PROM1: variants seen among roughly 807,000 people sequenced by gnomAD.
PROM1 encodes the protein prominin 1, also known as prominin-1.
PROM1 carries 105 observed loss-of-function variants against 116.9 expected under a neutral mutation model. The ratio of observed to expected loss-of-function variants is 0.90; its 90% confidence interval spans 0.77 to 1.06. PROM1 has a LOEUF of 1.06. PROM1 is among the 50% of genes least tolerant of loss of function. The pLI is 0.00. For missense variants in PROM1, 1,122 were observed against 1,045.2 expected (o/e 1.07, Z -1.01); for synonymous variants, 393 against 387.0 (o/e 1.02, Z -0.18).
intron 27 of PROM1, 25 bp downstream of exon 27, chr4:15,971,018 T>A: frequency 6.4e-7 from 1 of 1,552,802 alleles, no homozygotes; most frequent in South Asian, 1.2e-5. Context: ...CTGTAGATTC[T>A]CTTCAATGAA....
At chr4:16,051,729 C>T (rs1737933630) in intron 2 of PROM1, among the ~76,000 whole-genome samples, 1 of 152,144 alleles carries the variant, frequency 6.6e-6, no homozygotes, top group Non-Finnish European at 1.5e-5. Flanking sequence ...TCTTTGGACA[C>T]GGAATGGTTT....
At position 15,974,118 on chromosome 4, in the gene PROM1, TTC is replaced by T. The variant is rs35011290; in HGVS notation, c.2583-3038_2583-3037del. On this transcript the variant is annotated intron_variant, in intron 26 of 27. Transcript: ENST00000447510. ...ACACAGACACACACACTCTCTCTCT[TTC>T]TCTCTCTCTCTCTCTCTCTCTCTAA... 6.1e-3 allele frequency among the ~76,000 whole-genome samples: 919 copies of T among 149,432 alleles called. 8 individuals carry two copies. The highest frequency in any genetic ancestry group is 7.6e-3 in the Non-Finnish European group (513 of 67,450).
In PROM1 at chr4:15,979,444, CATT is replaced by C; in HGVS notation, c.2530_2532del (p.Asn844del). On this transcript the variant is annotated inframe_deletion, in exon 26 of 28. Coordinates refer to ENST00000447510, the MANE Select transcript of PROM1 (RefSeq NM_006017.3). ...CCATATACATGATCTTTATGATAAC[CATT>C]ATTACCATTTTCCATACTGTAACAG... 2 of 1,610,558 alleles carry C rather than the reference CATT, an allele frequency of 1.2e-6. No individual in the cohort carries two copies. The highest frequency in any genetic ancestry group is 1.1e-5 in the South Asian group (1 of 90,370).
chr4:15,973,853 C>T lies in PROM1; in HGVS notation c.2583-2771G>A, dbSNP rs543856584. 2.4e-4 allele frequency among the ~76,000 whole-genome samples: 36 copies of T among 152,264 alleles called. No homozygotes were observed. In the South Asian group the frequency reaches 4.4e-3, roughly 18 times the overall value. ...AGACCTGGGCATGGCCTACACGTCC[C>T]TGAGTCTATCTGCAAAAGACAGACA... On this transcript the variant is annotated intron_variant, in intron 26 of 27. Coordinates refer to ENST00000447510, the MANE Select transcript of PROM1 (RefSeq NM_006017.3).
At chr4:16,025,014 A>G (rs1284134329) in intron 6 of PROM1, among the ~76,000 whole-genome samples, 178 bp downstream of exon 6, 1 of 152,184 alleles carries the variant, frequency 6.6e-6, no homozygotes, top group Non-Finnish European at 1.5e-5. Flanking sequence ...CGGCTTTTGT[A>G]CTCTTGAAAA....
chr4:15,981,741 C>T (rs1033251003), intron 23 of PROM1, among the ~76,000 whole-genome samples: 1 of 152,130 alleles, frequency 6.6e-6, no homozygotes, highest in African/African-American at 2.4e-5. Context: ...TTAATTTAAC[C>T]AATCTTGAAG....
At position 16,062,660 on chromosome 4, in the gene PROM1, C is replaced by A. The variant is rs150648744; in HGVS notation, c.220+13027G>T. Among the ~76,000 whole-genome samples, 409 of 152,286 alleles carry A rather than the reference C, an allele frequency of 2.7e-3. 15 individuals carry two copies. The highest frequency in any genetic ancestry group is 0.025 in the Admixed American group (385 of 15,298). ...CAAAGAAACCAAAACAAAGAAACCA[C>A]AAATTATAAAGGATGCATTTTGAGT... On this transcript the variant is annotated intron_variant, in intron 2 of 27. Transcript: ENST00000447510.
chr4:15,980,329 C>G, intron 24 of PROM1, 93 bp downstream of exon 24: 1 of 700,622 alleles, frequency 1.4e-6, no homozygotes, highest in Non-Finnish European at 2.4e-6. Flanking sequence ...AAGAAATCAA[C>G]TTTAACCTCA....
At chr4:16,041,029 C>T (rs1203522498) in intron 2 of PROM1, among the ~76,000 whole-genome samples, 14 of 152,230 alleles carry the variant, frequency 9.2e-5, no homozygotes, top group African/African-American at 2.9e-4. Flanking sequence ...TAGATCCTCA[C>T]GGGTCTGAAC....
chr4:16,081,913 A>G (rs1745112220), intron 1 of PROM1, among the ~76,000 whole-genome samples: 4 of 69,844 alleles, frequency 5.7e-5, no homozygotes, highest in Admixed American at 4.1e-4. Flanking sequence ...GAACACATGA[A>G]AAAAAAAACA....
chr4:16,045,397 C>T (rs1175186789), intron 2 of PROM1, among the ~76,000 whole-genome samples: 3 of 152,150 alleles, frequency 2.0e-5, no homozygotes, highest in Non-Finnish European at 2.9e-5. Context: ...TTAGGTAGAG[C>T]GAGCCGCAGT....
At chr4:16,063,098 T>C (rs535793251) in intron 2 of PROM1, among the ~76,000 whole-genome samples, 5 of 152,220 alleles carry the variant, frequency 3.3e-5, no homozygotes, top group Admixed American at 6.5e-5. Context: ...AAGGTGTTTT[T>C]CCCCCAAAAT....
intron 3 of PROM1, among the ~76,000 whole-genome samples, chr4:16,036,370 A>T (rs573926113): frequency 6.6e-6 from 1 of 152,326 alleles, no homozygotes; most frequent in East Asian, 1.9e-4. Flanking sequence ...CAGCTGGCAG[A>T]TCTTCACAGC....
intron 3 of PROM1, among the ~76,000 whole-genome samples, chr4:16,037,811 C>T (rs2149402609): frequency 6.6e-6 from 1 of 152,308 alleles, no homozygotes; most frequent in Non-Finnish European, 1.5e-5. Flanking sequence ...ACACCAAAAT[C>T]GAAAGACCAT....
In PROM1 at chr4:16,003,706, A is replaced by G. The variant is rs1235065173; in HGVS notation, c.1454+2832T>C. ...CGGCTCACACCTGTAATCCCAACAC[A>G]TTGGGAGGCTGAGGTCGGAGGATCT... On this transcript the variant is annotated intron_variant, in intron 13 of 27. Transcript: ENST00000447510. 2.0e-5 allele frequency among the ~76,000 whole-genome samples: 3 copies of G among 152,124 alleles called. No homozygotes were observed. The East Asian group carries it at 5.8e-4, about 29-fold the overall frequency.
chr4:16,046,917 T>A (rs957438253), intron 2 of PROM1, among the ~76,000 whole-genome samples: 3 of 152,174 alleles, frequency 2.0e-5, no homozygotes, highest in Non-Finnish European at 2.9e-5. Flanking sequence ...ACGCACTCCT[T>A]CCCACCCTCA....
intron 11 of PROM1, 56 bp downstream of exon 11, chr4:16,013,219 A>G (rs1404456085): frequency 2.9e-6 from 4 of 1,377,644 alleles, no homozygotes; most frequent in South Asian, 2.4e-5. Flanking sequence ...ACTTGGCAAC[A>G]CATTTCTCTG....
intron 20 of PROM1, among the ~76,000 whole-genome samples, chr4:15,986,577 C>T (rs1450937121): frequency 6.6e-6 from 1 of 152,124 alleles, no homozygotes; most frequent in Admixed American, 6.5e-5. Flanking sequence ...CCAGTTTCTG[C>T]CCTCGACTAA....
In PROM1 at chr4:16,007,315, G is replaced by A. The variant is rs567366825; in HGVS notation, c.1302-625C>T. On this transcript the variant is annotated intron_variant, in intron 12 of 27. Coordinates refer to ENST00000447510, the MANE Select transcript of PROM1 (RefSeq NM_006017.3). The stretch of plus-strand genomic sequence containing the variant: ...AATCTCAATTTCATAATGGTCCTGC[G>A]AGACATTTAGGATAATGGATCCTCA... 3.9e-5 allele frequency among the ~76,000 whole-genome samples: 6 copies of A among 152,332 alleles called. No homozygotes were observed. The South Asian group carries it at 1.0e-3, about 26-fold the overall frequency.
Sources: gnomAD v4.1 joint callset for allele counts (sites outside exome capture counted in the v4.1 genomes callset) on GRCh38, gnomAD v4.1.1 for gene constraint, MANE v1.5 for transcripts, NCBI Gene and HGNC (gene_info 2026-07-23, HGNC 2026-07-21) for gene names.